FAM168A: variants seen among roughly 807,000 people sequenced by gnomAD.
The protein encoded by FAM168A is protein FAM168A.
FAM168A carries 3 observed loss-of-function variants against 28.5 expected under a neutral mutation model. That is an observed-to-expected ratio of 0.11 (90% confidence interval 0.05 to 0.27). FAM168A has a LOEUF of 0.27. FAM168A is among the 10% of genes least tolerant of loss of function. The pLI is 1.00. For synonymous variants in FAM168A, 122 were observed against 124.2 expected (o/e 0.98, Z 0.12); for missense variants, 222 against 311.5 (o/e 0.71, Z 2.16).
At chr11:73,534,482 A>T (rs11235795) in intron 1 of FAM168A, among the ~76,000 whole-genome samples, 2,669 of 151,460 alleles carry the variant, frequency 0.018, 36 homozygotes, top group South Asian at 0.035. Flanking sequence ...AGTTCACTGC[A>T]ACCTCCACCT....
chr11:73,531,273 A>C (rs1464289701), intron 1 of FAM168A, among the ~76,000 whole-genome samples: 1 of 152,220 alleles, frequency 6.6e-6, no homozygotes, highest in Non-Finnish European at 1.5e-5. Context: ...ACCAAACAAG[A>C]AGCCTCAACT....
In FAM168A at chr11:73,411,556, G is replaced by C; in HGVS notation, c.278-20C>G. 26 of 1,613,956 alleles carry C rather than the reference G, an allele frequency of 1.6e-5. No individual in the cohort carries two copies. The highest frequency in any genetic ancestry group is 2.2e-5 in the Non-Finnish European group (26 of 1,179,942). Reference sequence around the variant, plus strand: ...TATATCCTGTACCAAGGCAATAAGAGAGACTTCCAGTTAGTTGGCAGAAAA... The same window carrying C: ...TATATCCTGTACCAAGGCAATAAGACAGACTTCCAGTTAGTTGGCAGAAAA... On this transcript the variant is annotated intron_variant, in intron 4 of 7. Transcript: ENST00000356467.
intron 2 of FAM168A, among the ~76,000 whole-genome samples, chr11:73,455,333 G>A: frequency 6.6e-6 from 1 of 152,228 alleles, no homozygotes. Context: ...CACACGCTCT[G>A]TCCCACAAGG....
intron 5 of FAM168A, chr11:73,410,710 C>T (rs1159863152): frequency 6.6e-6 from 1 of 152,180 alleles, no homozygotes; most frequent in Admixed American, 6.5e-5. Context: ...TTGTCTTCTA[C>T]TCTAAAATAT....
At position 73,407,518 on chromosome 11, in the gene FAM168A, T is replaced by A. The variant is rs1227415431; in HGVS notation, c.*13A>T. ...CTCACCCTGGCCACACTCACTTGGATGGGCTGCAGGCTTTACCAGTGTGGG... is the reference window on the plus strand; with the variant it reads ...CTCACCCTGGCCACACTCACTTGGAAGGGCTGCAGGCTTTACCAGTGTGGG... On this transcript the variant is annotated 3_prime_UTR_variant, in exon 7 of 8. Coordinates refer to ENST00000356467, the MANE Select transcript of FAM168A (RefSeq NM_015159.3). 1.4e-5 allele frequency: 21 copies of A among 1,555,102 alleles called. No homozygotes were observed. The highest frequency in any genetic ancestry group is 2.8e-5 in the African/African-American group (2 of 70,812).
chr11:73,592,872 CAA>C (rs35686813), intron 1 of FAM168A, among the ~76,000 whole-genome samples: 1,551 of 143,932 alleles, frequency 0.011, 19 homozygotes, highest in African/African-American at 0.032. Context: ...CTGTCTCTAC[CAA>C]AAAAAAAAAA....
chr11:73,430,492 T>A (rs1407613128), intron 3 of FAM168A, 198 bp downstream of exon 3: 1 of 550,540 alleles, frequency 1.8e-6, no homozygotes, highest in East Asian at 3.3e-5. Context: ...CCAGACAGAG[T>A]GGAGGAGATT....
At chr11:73,556,635 A>G (rs1325980724) in intron 1 of FAM168A, among the ~76,000 whole-genome samples, 3 of 151,992 alleles carry the variant, frequency 2.0e-5, no homozygotes, top group Non-Finnish European at 2.9e-5. Flanking sequence ...TGATGGTCAC[A>G]CAACATTATG....
intron 3 of FAM168A, among the ~76,000 whole-genome samples, chr11:73,423,811 C>T (rs982236940): frequency 1.3e-5 from 2 of 152,212 alleles, no homozygotes; most frequent in African/African-American, 4.8e-5. Flanking sequence ...GAACAAGCCC[C>T]TTGTCTTACT....
intron 1 of FAM168A, among the ~76,000 whole-genome samples, chr11:73,476,724 T>A (rs1318722538): frequency 6.6e-6 from 1 of 152,008 alleles, no homozygotes; most frequent in Non-Finnish European, 1.5e-5. Context: ...TAAAGTATGA[T>A]AATAACTTAT....
chr11:73,557,099 T>A (rs988328656), intron 1 of FAM168A, among the ~76,000 whole-genome samples: 11 of 151,952 alleles, frequency 7.2e-5, no homozygotes, highest in African/African-American at 2.7e-4. Flanking sequence ...CTCAAGTGTC[T>A]GTTGATGGAT....
At chr11:73,459,577 A>T (rs1306318069) in intron 2 of FAM168A, among the ~76,000 whole-genome samples, 1 of 152,108 alleles carries the variant, frequency 6.6e-6, no homozygotes, top group Non-Finnish European at 1.5e-5. Flanking sequence ...TTAAAAGTCA[A>T]ATGTCCTGAG....
At chr11:73,412,826 A>G (rs1352932831) in intron 4 of FAM168A, among the ~76,000 whole-genome samples, 1 of 152,128 alleles carries the variant, frequency 6.6e-6, no homozygotes, top group Non-Finnish European at 1.5e-5. Context: ...TCTTTCACCT[A>G]TAAGATGCTC....
intron 1 of FAM168A, among the ~76,000 whole-genome samples, chr11:73,565,310 G>A (rs187967398): frequency 2.2e-4 from 33 of 152,306 alleles, no homozygotes; most frequent in Admixed American, 1.8e-3. Context: ...ACGGCTGACA[G>A]TTCAAACAGA....
chr11:73,468,554 T>G, intron 1 of FAM168A, 62 bp from the exon 2 acceptor site: 1 of 1,310,892 alleles, frequency 7.6e-7, no homozygotes, highest in Non-Finnish European at 1.1e-6. Context: ...GACATCAGCT[T>G]CTCCTCCATA....
Position 73,419,928 on chromosome 11 carries a change from G to A in FAM168A, c.223C>T (p.Pro75Ser), listed in dbSNP as rs1866762664. Reference sequence around the variant, plus strand: ...CGGTTCTCGGTCCCGGTGTCCACTGGGAGGTGGAAGGTGCCTTCAGTGCCA... The same window carrying A: ...CGGTTCTCGGTCCCGGTGTCCACTGAGAGGTGGAAGGTGCCTTCAGTGCCA... ...SCGTEGTFHL[P>S]VDTGTENRTY... Residue 75 changes from proline (P) to serine (S), a missense_variant, in exon 4 of 8, where the codon CCA becomes TCA. Physicochemically the swap from Pro to Ser is moderately conservative, Grantham distance 74. Transcript: ENST00000356467. 6.2e-7 allele frequency: 1 copy of A among 1,614,000 alleles called. No homozygotes were observed. The highest frequency in any genetic ancestry group is 8.5e-7 in the Non-Finnish European group (1 of 1,179,910).
At chr11:73,422,459 C>T (rs1294032158) in intron 3 of FAM168A, among the ~76,000 whole-genome samples, 3 of 152,170 alleles carry the variant, frequency 2.0e-5, no homozygotes, top group South Asian at 2.1e-4. Context: ...AACTTGACCT[C>T]CCCATTAGTT....
intron 1 of FAM168A, among the ~76,000 whole-genome samples, chr11:73,518,135 T>A (rs1488751801): frequency 6.6e-6 from 1 of 152,202 alleles, no homozygotes; most frequent in Admixed American, 6.5e-5. Flanking sequence ...AACTCCTGAC[T>A]TTTACACCGT....
intron 1 of FAM168A, among the ~76,000 whole-genome samples, chr11:73,477,982 T>G (rs1867914351): frequency 6.6e-6 from 1 of 151,578 alleles, no homozygotes; most frequent in African/African-American, 2.4e-5. Flanking sequence ...AAACAAGGTA[T>G]AAATATTTTT....
Sources: gnomAD v4.1 joint callset for allele counts (sites outside exome capture counted in the v4.1 genomes callset) on GRCh38, gnomAD v4.1.1 for gene constraint, MANE v1.5 for transcripts, NCBI Gene and HGNC (gene_info 2026-07-23, HGNC 2026-07-21) for gene names.